The following SCFD2 variants were observed in gnomAD, a reference collection of about 807,000 sequenced individuals.
SCFD2 encodes the protein sec1 family domain containing 2.
A neutral mutation model predicts 58.9 loss-of-function variants in SCFD2; 54 were observed. That is an observed-to-expected ratio of 0.92 (90% confidence interval 0.74 to 1.15). SCFD2 has a LOEUF of 1.15. Ranked by LOEUF, SCFD2 falls within the 50% of genes most tolerant of loss-of-function variation. The pLI is 0.00. For synonymous variants in SCFD2, 321 were observed against 335.9 expected, an observed-to-expected ratio of 0.96 and a Z score of 0.49; for missense variants, 805 against 836.6, an observed-to-expected ratio of 0.96 and a Z score of 0.47.
In SCFD2 at chr4:53,271,483, G is replaced by A. The variant is rs527255348; in HGVS notation, c.1311+2343C>T. Reference sequence around the variant, plus strand: ...TATTTATTTATTTATTTATTTTTGAGATGGAGTCTCCCTCTGTCACCCAGG... The same window carrying A: ...TATTTATTTATTTATTTATTTTTGAAATGGAGTCTCCCTCTGTCACCCAGG... On this transcript the variant is annotated intron_variant, in intron 4 of 8. Coordinates refer to ENST00000401642, the MANE Select transcript of SCFD2 (RefSeq NM_152540.4). 4.5e-4 allele frequency among the ~76,000 whole-genome samples: 28 copies of A among 62,496 alleles called. No individual in the cohort carries two copies. The South Asian group carries it at 0.012, about 27-fold the overall frequency. The allele number at this position is 62,496 out of a possible 152,430, so 41.0% of individuals were successfully genotyped here.
At chr4:53,247,587 C>A (rs1455330928) in intron 4 of SCFD2, among the ~76,000 whole-genome samples, 1 of 152,088 alleles carries the variant, frequency 6.6e-6, no homozygotes, top group South Asian at 2.1e-4. Flanking sequence ...AGGCCGGGCG[C>A]GGTGGCTCAC....
chr4:53,357,391 T>G (rs577848149), intron 1 of SCFD2, among the ~76,000 whole-genome samples: 1 of 152,050 alleles, frequency 6.6e-6, no homozygotes, highest in East Asian at 1.9e-4. Context: ...ATTGAGCCAC[T>G]GCATACCAGC....
chr4:53,310,765 C>T (rs1375749646), intron 3 of SCFD2, among the ~76,000 whole-genome samples: 1 of 152,102 alleles, frequency 6.6e-6, no homozygotes, highest in East Asian at 1.9e-4. Flanking sequence ...TCTCTTGGTG[C>T]TCATAACGTT....
intron 7 of SCFD2, among the ~76,000 whole-genome samples, chr4:52,886,282 C>T (rs1350771814): frequency 6.6e-6 from 1 of 152,260 alleles, no homozygotes; most frequent in Non-Finnish European, 1.5e-5. Context: ...CCATAAAAGC[C>T]CTGGACTCAG....
chr4:52,883,551 C>T (rs1275913328), intron 8 of SCFD2, among the ~76,000 whole-genome samples: 1 of 152,088 alleles, frequency 6.6e-6, no homozygotes, highest in African/African-American at 2.4e-5. Context: ...CTGTAGATTC[C>T]GGGGCTCTGT....
At chr4:53,156,804 T>C (rs1256442142) in intron 4 of SCFD2, among the ~76,000 whole-genome samples, 2 of 152,258 alleles carry the variant, frequency 1.3e-5, no homozygotes, top group African/African-American at 4.8e-5. Context: ...GGAGTATGTA[T>C]GAAGCACTTC....
intron 5 of SCFD2, among the ~76,000 whole-genome samples, chr4:53,031,020 C>T (rs1202540153): frequency 1.3e-4 from 20 of 152,156 alleles, no homozygotes; most frequent in Admixed American, 1.2e-3. Context: ...ATTTAAAAGG[C>T]TACATCCAGG....
intron 2 of SCFD2, among the ~76,000 whole-genome samples, chr4:53,351,444 A>G (rs1247443140): frequency 6.6e-6 from 1 of 152,220 alleles, no homozygotes. Flanking sequence ...TTAACTTCAT[A>G]TCATTTCTAT....
intron 4 of SCFD2, among the ~76,000 whole-genome samples, chr4:53,181,915 G>A (rs1393928993): frequency 3.3e-5 from 5 of 152,074 alleles, no homozygotes; most frequent in Admixed American, 2.6e-4. Context: ...GCTTCAAAGA[G>A]AATAAAATAC....
At chr4:53,278,105 G>C (rs1175598376) in intron 3 of SCFD2, among the ~76,000 whole-genome samples, 1 of 151,808 alleles carries the variant, frequency 6.6e-6, no homozygotes, top group Non-Finnish European at 1.5e-5. Flanking sequence ...AGTGGCTCAC[G>C]CCTGTAATCC....
Position 53,068,072 on chromosome 4 carries a change from A to T in SCFD2, c.1561+77261T>A, listed in dbSNP as rs561609684. Among the ~76,000 whole-genome samples the T allele has an allele frequency of 1.8e-3, 270 of 152,252 alleles. 6 individuals carry two copies. Among genetic ancestry groups the T allele is most frequent in the East Asian group, 2.7e-3 (14 of 5,178 alleles). On this transcript the variant is annotated intron_variant, in intron 5 of 8. Coordinates refer to ENST00000401642, the MANE Select transcript of SCFD2 (RefSeq NM_152540.4). ...GCCCTTATGACTTATTAAAACTCAA[A>T]TGTTAACATAACATGTTAACTGACA...
At chr4:52,919,012 G>T (rs953609098) in intron 6 of SCFD2, among the ~76,000 whole-genome samples, 2 of 152,112 alleles carry the variant, frequency 1.3e-5, no homozygotes, top group African/African-American at 4.8e-5. Context: ...ATTGACTATT[G>T]TAAGGGGGGA....
In SCFD2 at chr4:53,100,136, ACTT is replaced by A. The variant is rs1724792062; in HGVS notation, c.1561+45194_1561+45196del. On this transcript the variant is annotated intron_variant, in intron 5 of 8. Transcript: ENST00000401642. ...TGTCATGTTAGTAATCTTAGCCTTC[ACTT>A]CTTCTAATTGTTACTCATGTGGTAG... Among the ~76,000 whole-genome samples the A allele has an allele frequency of 2.0e-5, 3 of 152,186 alleles. No homozygotes were observed. The South Asian group carries it at 6.2e-4, about 32-fold the overall frequency.
intron 7 of SCFD2, among the ~76,000 whole-genome samples, chr4:52,901,953 T>G (rs1439528770): frequency 2.0e-5 from 3 of 152,238 alleles, no homozygotes; most frequent in Non-Finnish European, 4.4e-5. Flanking sequence ...TGCAAAAATG[T>G]ACATAAATAA....
intron 4 of SCFD2, among the ~76,000 whole-genome samples, chr4:53,146,976 G>A (rs1726350966): frequency 6.6e-6 from 1 of 152,094 alleles, no homozygotes; most frequent in African/African-American, 2.4e-5. Flanking sequence ...AGATAAGCAG[G>A]GACTAGTGTA....
At chr4:53,297,853 G>T (rs920626995) in intron 3 of SCFD2, among the ~76,000 whole-genome samples, 2 of 152,138 alleles carry the variant, frequency 1.3e-5, no homozygotes, top group Non-Finnish European at 2.9e-5. Context: ...AGGCCTGTTG[G>T]TGACAAAATC....
At chr4:53,002,667 T>TA (rs1233699097) in intron 5 of SCFD2, among the ~76,000 whole-genome samples, 2 of 152,156 alleles carry the variant, frequency 1.3e-5, no homozygotes, top group Non-Finnish European at 2.9e-5. Flanking sequence ...TTCTGGAACT[T>TA]AAAGATCTAT....
intron 5 of SCFD2, among the ~76,000 whole-genome samples, chr4:53,096,012 T>C (rs1724618451): frequency 6.6e-6 from 1 of 152,148 alleles, no homozygotes; most frequent in African/African-American, 2.4e-5. Context: ...GAATGATGGT[T>C]TCCAGCTTCA....
At chr4:52,997,860 G>C (rs967376090) in intron 5 of SCFD2, among the ~76,000 whole-genome samples, 4 of 152,056 alleles carry the variant, frequency 2.6e-5, no homozygotes, top group African/African-American at 7.2e-5. Context: ...GATTTGGCAT[G>C]GTGCTAAAAA....
Sources: allele counts gnomAD v4.1 joint callset (sites outside exome capture counted in the v4.1 genomes callset), GRCh38; gene constraint gnomAD v4.1.1; transcripts MANE v1.5; gene names NCBI Gene and HGNC (gene_info 2026-07-23, HGNC 2026-07-21).